Variants in RGL1 observed in about 807,000 individuals in gnomAD.
The protein encoded by RGL1 is ral guanine nucleotide dissociation stimulator-like 1.
Under a neutral mutation model 95.2 loss-of-function variants are expected in RGL1, and 24 were observed. The observed-to-expected ratio is 0.25, with a 90% confidence interval of 0.18 to 0.35. The LOEUF is 0.35. Among genes scored for constraint, RGL1 ranks in the 10% least tolerant of loss-of-function variants. The pLI is 1.00. For missense variants in RGL1, 715 were observed against 936.3 expected (o/e 0.76, Z 3.08); for synonymous variants, 329 against 344.9 (o/e 0.95, Z 0.51).
chr1:183,918,624 G>A (rs930117168), intron 16 of RGL1, among the ~76,000 whole-genome samples: 2 of 152,212 alleles, frequency 1.3e-5, no homozygotes, highest in East Asian at 3.8e-4. Context: ...CACAGGTTGT[G>A]CATGCTGTCT....
chr1:183,758,020 T>C (rs1223845555), intron 2 of RGL1, among the ~76,000 whole-genome samples: 2 of 152,224 alleles, frequency 1.3e-5, no homozygotes, highest in Admixed American at 6.5e-5. Flanking sequence ...GGCTCTGCAA[T>C]GCCCATGTGA....
chr1:183,904,126 T>C (rs1313194448), intron 12 of RGL1, among the ~76,000 whole-genome samples: 1 of 152,256 alleles, frequency 6.6e-6, no homozygotes, highest in East Asian at 1.9e-4. Context: ...AAAGTTTGAC[T>C]GTAAAACCTA....
intron 16 of RGL1, 37 bp from the exon 17 acceptor site, chr1:183,922,185 G>A (rs763945701): frequency 1.0e-4 from 157 of 1,556,362 alleles, no homozygotes; most frequent in Non-Finnish European, 1.4e-4. Flanking sequence ...GAAACGTGAA[G>A]CTAAGTACTT....
chr1:183,798,563 A>G (rs1390499069), intron 2 of RGL1, among the ~76,000 whole-genome samples: 1 of 151,952 alleles, frequency 6.6e-6, no homozygotes, highest in Non-Finnish European at 1.5e-5. Flanking sequence ...ATCACTTAAC[A>G]TAAGATCTAC....
chr1:183,814,646 T>A (rs929435981), intron 2 of RGL1, among the ~76,000 whole-genome samples: 2 of 152,180 alleles, frequency 1.3e-5, no homozygotes, highest in African/African-American at 4.8e-5. Flanking sequence ...TCATCTTTTA[T>A]AAAAATGAAG....
At chr1:183,838,983 A>C (rs1663851652) in intron 2 of RGL1, among the ~76,000 whole-genome samples, 1 of 152,168 alleles carries the variant, frequency 6.6e-6, no homozygotes, top group Non-Finnish European at 1.5e-5. Context: ...TGTTTGTATA[A>C]TTAGAGGGAA....
chr1:183,913,507 G>A (rs761147012), intron 15 of RGL1, among the ~76,000 whole-genome samples: 14 of 152,108 alleles, frequency 9.2e-5, no homozygotes, highest in Non-Finnish European at 2.1e-4. Flanking sequence ...TTAATCTTCT[G>A]TACACATCTG....
chr1:183,650,726 A>G (rs1285263977), intron 1 of RGL1, among the ~76,000 whole-genome samples: 5 of 141,214 alleles, frequency 3.5e-5, no homozygotes, highest in African/African-American at 5.2e-5. Context: ...TTTTTTTTAG[A>G]ATAGATTACT....
At chr1:183,813,583 G>C (rs1336834951) in intron 2 of RGL1, among the ~76,000 whole-genome samples, 1 of 152,184 alleles carries the variant, frequency 6.6e-6, no homozygotes, top group Non-Finnish European at 1.5e-5. Context: ...ACCATGGAGA[G>C]AGAATAAATA....
intron 2 of RGL1, among the ~76,000 whole-genome samples, chr1:183,783,985 G>C (rs1660028892): frequency 6.6e-6 from 1 of 152,108 alleles, no homozygotes; most frequent in Admixed American, 6.5e-5. Context: ...TGGAGTGAAG[G>C]GTACACAAGC....
chr1:183,654,082 C>A (rs544018763), intron 1 of RGL1, among the ~76,000 whole-genome samples: 1 of 152,194 alleles, frequency 6.6e-6, no homozygotes, highest in Non-Finnish European at 1.5e-5. Context: ...ATACTGAGCA[C>A]CCAGAGGGCA....
chr1:183,688,515 C>G (rs1187856128), intron 1 of RGL1, among the ~76,000 whole-genome samples: 2 of 152,094 alleles, frequency 1.3e-5, no homozygotes, highest in African/African-American at 2.4e-5. Flanking sequence ...CAATTACAGG[C>G]TCAGGTCTCT....
intron 4 of RGL1, among the ~76,000 whole-genome samples, chr1:183,868,182 T>C (rs1008285712): frequency 6.6e-6 from 1 of 152,184 alleles, no homozygotes; most frequent in African/African-American, 2.4e-5. Flanking sequence ...AATGCAATTT[T>C]CATGGAATTT....
intron 1 of RGL1, among the ~76,000 whole-genome samples, chr1:183,659,950 C>G (rs953721858): frequency 6.6e-6 from 1 of 150,420 alleles, no homozygotes; most frequent in East Asian, 1.9e-4. Context: ...TCATATCCAG[C>G]CAAACTAAGC....
chr1:183,748,394 C>CTTTTTTTTTTTTTTTTTTTTTTTTTTT (rs56920504), intron 2 of RGL1, among the ~76,000 whole-genome samples: 1 of 69,680 alleles, frequency 1.4e-5, no homozygotes, highest in African/African-American at 6.6e-5. Flanking sequence ...TTCTCTAGTT[C>CTTTTTTTTTTTTTTTTTTTTTTTTTTT]TTTTTTTTTT....
chr1:183,856,538 G>T (rs1209179363), intron 3 of RGL1, among the ~76,000 whole-genome samples: 1 of 149,134 alleles, frequency 6.7e-6, no homozygotes, highest in Admixed American at 6.7e-5. Flanking sequence ...ATCATGCCCT[G>T]TTCAGTTTTG....
intron 1 of RGL1, among the ~76,000 whole-genome samples, chr1:183,717,623 A>G (rs1018956855): frequency 5.3e-5 from 8 of 152,228 alleles, no homozygotes; most frequent in Non-Finnish European, 1.2e-4. Context: ...AGAAAATTCT[A>G]TAGCAAAGGT....
intron 2 of RGL1, among the ~76,000 whole-genome samples, chr1:183,785,612 A>G (rs535756021): frequency 3.3e-5 from 5 of 152,326 alleles, no homozygotes; most frequent in African/African-American, 1.2e-4. Flanking sequence ...CTGGAGCATA[A>G]TAGCTGCTTG....
chr1:183,711,666 G>T (rs1247934285), intron 1 of RGL1, among the ~76,000 whole-genome samples: 1 of 152,006 alleles, frequency 6.6e-6, no homozygotes, highest in Non-Finnish European at 1.5e-5. Context: ...ATCTGGAGAG[G>T]TCAGCTCTAC....
Sources: gnomAD v4.1 joint callset for allele counts (sites outside exome capture counted in the v4.1 genomes callset) on GRCh38, gnomAD v4.1.1 for gene constraint, MANE v1.5 for transcripts, NCBI Gene and HGNC (gene_info 2026-07-23, HGNC 2026-07-21) for gene names.